CACNA1E: variants seen among roughly 807,000 people sequenced by gnomAD.
CACNA1E encodes the protein calcium voltage-gated channel subunit alpha1 E.
A neutral mutation model predicts 259.2 loss-of-function variants in CACNA1E; 40 were observed. The ratio of observed to expected loss-of-function variants is 0.15; its 90% CI spans 0.12 to 0.20. CACNA1E has a LOEUF of 0.20. Among genes scored for constraint, CACNA1E ranks in the 10% least tolerant of loss-of-function variants. CACNA1E has a pLI of 1.00. For missense variants in CACNA1E, 1,874 were observed against 3,040.1 expected, an observed-to-expected ratio of 0.62 and a Z score of 9.02; for synonymous variants, 1,104 against 1,138.5, an observed-to-expected ratio of 0.97 and a Z score of 0.61.
chr1:181,756,860 GC>G (rs1356884740), intron 29 of CACNA1E, 64 bp from the exon 30 acceptor site: 2 of 1,060,012 alleles, frequency 1.9e-6, no homozygotes, highest in Admixed American at 1.8e-5. Context: ...ATAATAGGTG[GC>G]ACATTTCCTA....
chr1:181,599,196 A>G (rs1240841524), intron 6 of CACNA1E, among the ~76,000 whole-genome samples: 3 of 151,318 alleles, frequency 2.0e-5, no homozygotes, highest in Non-Finnish European at 2.9e-5. Flanking sequence ...GCTCCCACTT[A>G]TAAGTGAGAA....
At chr1:181,717,032 C>A in intron 10 of CACNA1E, 61 bp from the exon 11 acceptor site, 1 of 1,448,474 alleles carries the variant, frequency 6.9e-7, no homozygotes, top group Non-Finnish European at 9.7e-7. Context: ...CCTTCGAATG[C>A]TCCCTGGCCC....
rs148723776 is a variant in CACNA1E at position 181,625,338 on chromosome 1, G to A, written c.952-26000G>A. ...CGTCTTCTCTACTTACGATTTTCTCGTCTCTAGTTATGAAAGTCCTAGATG... is the reference window on the plus strand; with the variant it reads ...CGTCTTCTCTACTTACGATTTTCTCATCTCTAGTTATGAAAGTCCTAGATG... On this transcript the variant is annotated intron_variant, in intron 6 of 47. Transcript: ENST00000367573. 2.1e-3 allele frequency among the ~76,000 whole-genome samples: 320 copies of A among 152,106 alleles called. 1 individual carries two copies. The highest frequency in any genetic ancestry group is 7.2e-3 in the African/African-American group (299 of 41,522).
At chr1:181,568,314 G>A (rs1337942257) in intron 3 of CACNA1E, among the ~76,000 whole-genome samples, 1 of 152,204 alleles carries the variant, frequency 6.6e-6, no homozygotes, top group Non-Finnish European at 1.5e-5. Context: ...GGAATGGCCT[G>A]TGGGGATAGA....
Position 181,630,102 on chromosome 1 carries a change from C to A in CACNA1E, c.952-21236C>A, listed in dbSNP as rs116611031. Among the ~76,000 whole-genome samples, 1,327 of 134,436 alleles carry A rather than the reference C, an allele frequency of 9.9e-3. 17 individuals are homozygous for A. The highest frequency in any genetic ancestry group is 0.033 in the African/African-American group (1,267 of 38,818). The allele number at this position is 134,436 out of a possible 152,430, so 88.2% of individuals were successfully genotyped here. On this transcript the variant is annotated intron_variant, in intron 6 of 47. Coordinates refer to ENST00000367573, the MANE Select transcript of CACNA1E (RefSeq NM_001205293.3). ...AAACACATCGGGCCATAAGCACTTA[C>A]CACAGCAGGATGGGAATGGGGGGAG...
chr1:181,637,021 T>G (rs1657275859), intron 6 of CACNA1E, among the ~76,000 whole-genome samples: 1 of 152,228 alleles, frequency 6.6e-6, no homozygotes, highest in African/African-American at 2.4e-5. Context: ...CTCTTGTTAT[T>G]TGGAAATCAG....
At chr1:181,680,466 C>T (rs189114660) in intron 7 of CACNA1E, among the ~76,000 whole-genome samples, 215 of 152,262 alleles carry the variant, frequency 1.4e-3, no homozygotes, top group African/African-American at 4.9e-3. Flanking sequence ...CAGTGAGCAG[C>T]GTGTAGGCTG....
At chr1:181,679,530 C>T (rs146751755) in intron 7 of CACNA1E, among the ~76,000 whole-genome samples, 310 of 152,278 alleles carry the variant, frequency 2.0e-3, no homozygotes, top group African/African-American at 7.2e-3. Context: ...CATGTAAACA[C>T]GTGAAAGAGG....
intron 2 of CACNA1E, among the ~76,000 whole-genome samples, chr1:181,450,409 A>G (rs1661078246): frequency 7.3e-6 from 1 of 137,192 alleles, no homozygotes; most frequent in African/African-American, 2.9e-5. Flanking sequence ...GGAGATTTTC[A>G]GGTGAAGGGG....
At chr1:181,516,177 G>T (rs1666569102) in intron 3 of CACNA1E, among the ~76,000 whole-genome samples, 1 of 151,996 alleles carries the variant, frequency 6.6e-6, no homozygotes, top group Non-Finnish European at 1.5e-5. Context: ...TGCTTCCTGG[G>T]TGATAAGGGC....
At chr1:181,718,281 C>T (rs114874713) in intron 12 of CACNA1E, 114 bp downstream of exon 12, 13 of 608,328 alleles carry the variant, frequency 2.1e-5, no homozygotes, top group Middle Eastern at 3.7e-4. Context: ...TATGTAAAAG[C>T]GGAATAGATA....
At chr1:181,768,353 G>A (rs1572847207) in intron 35 of CACNA1E, among the ~76,000 whole-genome samples, 1 of 152,168 alleles carries the variant, frequency 6.6e-6, no homozygotes, top group East Asian at 1.9e-4. Context: ...GAGTGAGCAT[G>A]TCCAGGCAAG....
chr1:181,436,682 T>G (rs905674165), intron 2 of CACNA1E, among the ~76,000 whole-genome samples: 2 of 152,106 alleles, frequency 1.3e-5, no homozygotes, highest in African/African-American at 4.8e-5. Flanking sequence ...CAGAGTACAA[T>G]GGTGGTTACA....
At chr1:181,363,088 C>T (rs1313005206) in intron 1 of CACNA1E, among the ~76,000 whole-genome samples, 4 of 152,196 alleles carry the variant, frequency 2.6e-5, no homozygotes, top group Non-Finnish European at 5.9e-5. Context: ...GACAAATAGA[C>T]CTGTATCATT....
At chr1:181,515,460 G>A (rs190539333) in intron 3 of CACNA1E, among the ~76,000 whole-genome samples, 3 of 152,330 alleles carry the variant, frequency 2.0e-5, no homozygotes, top group African/African-American at 4.8e-5. Flanking sequence ...TATTGTGTTG[G>A]TGAAGGCAGA....
intron 2 of CACNA1E, among the ~76,000 whole-genome samples, chr1:181,476,566 C>G (rs947351315): frequency 3.9e-5 from 6 of 152,222 alleles, no homozygotes; most frequent in Admixed American, 1.3e-4. Context: ...AGGCAAGACA[C>G]GAATCCAACC....
intron 7 of CACNA1E, among the ~76,000 whole-genome samples, chr1:181,674,482 T>G (rs1032471407): frequency 5.3e-5 from 8 of 151,724 alleles, no homozygotes; most frequent in Non-Finnish European, 4.4e-5. Flanking sequence ...GAGTTTAATC[T>G]TAAATTCAGT....
chr1:181,746,413 G>C (rs1657091717), intron 25 of CACNA1E, among the ~76,000 whole-genome samples: 2 of 152,234 alleles, frequency 1.3e-5, no homozygotes, highest in South Asian at 4.1e-4. Flanking sequence ...CTAGTAAATA[G>C]CAAAGCCAGT....
chr1:181,522,316 C>G (rs1416926933), intron 3 of CACNA1E, among the ~76,000 whole-genome samples: 1 of 152,154 alleles, frequency 6.6e-6, no homozygotes, highest in African/African-American at 2.4e-5. Flanking sequence ...GACATAGTCC[C>G]TGGCCCTCTG....
Sources: gnomAD v4.1 joint callset for allele counts (sites outside exome capture counted in the v4.1 genomes callset) on GRCh38, gnomAD v4.1.1 for gene constraint, MANE v1.5 for transcripts, NCBI Gene and HGNC (gene_info 2026-07-23, HGNC 2026-07-21) for gene names.